The following CCDC60 variants were observed in gnomAD, a reference collection of about 807,000 sequenced individuals.
CCDC60 encodes the protein coiled-coil domain-containing protein 60.
Under a neutral mutation model 63.5 loss-of-function variants are expected in CCDC60, and 54 were observed. The ratio of observed to expected loss-of-function variants is 0.85; its 90% confidence interval spans 0.68 to 1.07. CCDC60 has a LOEUF of 1.07. Among genes scored for constraint, CCDC60 ranks in the 50% least tolerant of loss-of-function variants. The probability of loss-of-function intolerance (pLI) is 0.00; values close to 1 mark genes in which losing one functional copy is unlikely to be tolerated. For missense variants in CCDC60, 651 were observed against 684.3 expected (o/e 0.95, Z 0.54); for synonymous variants, 206 against 238.8 (o/e 0.86, Z 1.27).
At chr12:119,452,887 A>C (rs2136285856) in intron 2 of CCDC60, among the ~76,000 whole-genome samples, 1 of 152,030 alleles carries the variant, frequency 6.6e-6, no homozygotes, top group Non-Finnish European at 1.5e-5. Context: ...CAGTGACGTG[A>C]TCTCGGCTCA....
At chr12:119,473,432 T>C (rs1951107550) in intron 3 of CCDC60, among the ~76,000 whole-genome samples, 1 of 152,242 alleles carries the variant, frequency 6.6e-6, no homozygotes, top group Non-Finnish European at 1.5e-5. Flanking sequence ...GGCTCTCTAA[T>C]ATACATTAGC....
chr12:119,533,496 G>C (rs1224044295), intron 13 of CCDC60, among the ~76,000 whole-genome samples: 2 of 152,164 alleles, frequency 1.3e-5, no homozygotes, highest in African/African-American at 4.8e-5. Context: ...CTTTGCCCAT[G>C]CCTATGTCCT....
Position 119,472,046 on chromosome 12 carries a change from G to C in CCDC60, c.223G>C (p.Glu75Gln), listed in dbSNP as rs1229688529. 3 of 1,613,960 alleles carry C rather than the reference G, an allele frequency of 1.9e-6. No homozygotes were observed. The African/African-American group carries it at 4.0e-5, about 22-fold the overall frequency. The part of the protein sequence containing the change: ...IGRGYFAILR[E>Q]ETAKKKKQQQ... ...CCGTGGATATTTTGCTATTCTGAGG[G>C]AAGAGACTGCAAAGAAAAAGAAGCA... Residue 75 changes from glutamate (E) to glutamine (Q), a missense_variant, in exon 3 of 14, where the codon GAA becomes CAA. Coordinates refer to ENST00000327554, the MANE Select transcript of CCDC60 (RefSeq NM_178499.5).
chr12:119,335,248 C>G lies in CCDC60; in HGVS notation c.72C>G (p.Ala24=). 1 of 1,603,056 alleles carries G rather than the reference C, an allele frequency of 6.2e-7. No homozygotes were observed. The highest frequency in any genetic ancestry group is 1.1e-5 in the South Asian group (1 of 88,824). Reference sequence around the variant, plus strand: ...CGGGGGCTGTCCGGCCCTTTTATGCCTCGGAGAACCTAAGGCAGGTAAGTC... The same window carrying G: ...CGGGGGCTGTCCGGCCCTTTTATGCGTCGGAGAACCTAAGGCAGGTAAGTC... ...PNSGAVRPFY[A]SENLRQVPDK... The change falls in exon 1 of 14, where the codon GCC becomes GCG. Residue 24 remains alanine (A), a synonymous_variant. Transcript: ENST00000327554.
At chr12:119,356,280 T>G (rs1182233415) in intron 1 of CCDC60, among the ~76,000 whole-genome samples, 2 of 152,222 alleles carry the variant, frequency 1.3e-5, no homozygotes, top group Non-Finnish European at 2.9e-5. Context: ...TGAGATGAGG[T>G]GTTCTATGGA....
chr12:119,496,667 T>C lies in CCDC60; in HGVS notation c.558-3411T>C, dbSNP rs571432191. ...TTCTTTTCATCTTCACGGCAATCCT[T>C]TGTCATAGCTGCTATTATTCCCCCA... is the stretch of plus-strand genomic sequence containing the variant. On this transcript the variant is annotated intron_variant, in intron 5 of 13. Transcript: ENST00000327554. Among the ~76,000 whole-genome samples, 31 of 152,324 alleles carry C rather than the reference T, an allele frequency of 2.0e-4. 1 individual carries two copies. The South Asian group carries it at 4.1e-3, about 20-fold the overall frequency.
intron 1 of CCDC60, among the ~76,000 whole-genome samples, chr12:119,354,075 TC>T (rs1955691413): frequency 1.1e-5 from 1 of 94,916 alleles, no homozygotes; most frequent in Admixed American, 1.4e-4. Flanking sequence ...TCTCTCTCTC[TC>T]TCGTCTCTCT....
At chr12:119,413,347 G>A (rs1399436911) in intron 1 of CCDC60, among the ~76,000 whole-genome samples, 1 of 152,168 alleles carries the variant, frequency 6.6e-6, no homozygotes, top group Non-Finnish European at 1.5e-5. Flanking sequence ...TTGATTGAAA[G>A]CTATGGCATC....
intron 1 of CCDC60, among the ~76,000 whole-genome samples, chr12:119,423,580 T>G (rs1956851508): frequency 6.6e-6 from 1 of 152,214 alleles, no homozygotes; most frequent in Non-Finnish European, 1.5e-5. Flanking sequence ...TGGTGGCACC[T>G]CTAGCTAAAA....
intron 2 of CCDC60, among the ~76,000 whole-genome samples, chr12:119,454,386 AG>A (rs2136288845): frequency 6.6e-6 from 1 of 152,232 alleles, no homozygotes; most frequent in South Asian, 2.1e-4. Context: ...ATCACTATAG[AG>A]AGAAACCTCC....
intron 1 of CCDC60, among the ~76,000 whole-genome samples, chr12:119,397,733 C>T (rs1384353696): frequency 2.1e-4 from 20 of 96,062 alleles, no homozygotes; most frequent in African/African-American, 8.7e-4. Context: ...AGCCCTTGGG[C>T]GGTCAATGGG....
At position 119,453,879 on chromosome 12, in the gene CCDC60, C is replaced by T. The variant is rs77221518; in HGVS notation, c.171-18115C>T. 4.8e-3 allele frequency among the ~76,000 whole-genome samples: 723 copies of T among 150,982 alleles called. 7 individuals carry two copies. The highest frequency in any genetic ancestry group is 0.017 in the African/African-American group (683 of 41,060). On this transcript the variant is annotated intron_variant, in intron 2 of 13. Transcript: ENST00000327554. ...AAGGGGAAGAAGGAGGAAGAGAAGTCGATGATAATTTGATGATTGTGATGA... is the reference window on the plus strand; with the variant it reads ...AAGGGGAAGAAGGAGGAAGAGAAGTTGATGATAATTTGATGATTGTGATGA...
At chr12:119,473,430 AAT>A (rs1951107194) in intron 3 of CCDC60, among the ~76,000 whole-genome samples, 1 of 152,198 alleles carries the variant, frequency 6.6e-6, no homozygotes, top group Admixed American at 6.5e-5. Context: ...TAGGCTCTCT[AAT>A]ATACATTAGC....
chr12:119,353,198 TGAAAG>T (rs752786234), intron 1 of CCDC60, among the ~76,000 whole-genome samples: 51 of 152,116 alleles, frequency 3.4e-4, no homozygotes, highest in Admixed American at 3.9e-4. Flanking sequence ...CAAATTGACT[TGAAAG>T]GAAGCCAGAT....
At chr12:119,490,426 T>TTGGGAGCC (rs1433015413) in intron 5 of CCDC60, among the ~76,000 whole-genome samples, 1 of 152,214 alleles carries the variant, frequency 6.6e-6, no homozygotes, top group Non-Finnish European at 1.5e-5. Flanking sequence ...AGCAAGAGGT[T>TTGGGAGCC]TGGGAGCCTG....
Position 119,387,034 on chromosome 12 carries a change from TCACA to T in CCDC60, c.91-41611_91-41608del, listed in dbSNP as rs1555233707. Among the ~76,000 whole-genome samples, 890 of 105,426 alleles carry T rather than the reference TCACA, an allele frequency of 8.4e-3. 11 individuals are homozygous for T. Among genetic ancestry groups the T allele is most frequent in the African/African-American group, 0.02 (493 of 24,422 alleles). The allele number at this position is 105,426 out of a possible 152,430, so 69.2% of individuals were successfully genotyped here. Reference sequence around the variant, plus strand: ...CTCCCTCCCTCCCCCTCTGTCTCTCTCACACACACACACACACACACACACACAC... The same window carrying T: ...CTCCCTCCCTCCCCCTCTGTCTCTCTCACACACACACACACACACACACAC... On this transcript the variant is annotated intron_variant, in intron 1 of 13. Coordinates refer to ENST00000327554, the MANE Select transcript of CCDC60 (RefSeq NM_178499.5).
intron 1 of CCDC60, among the ~76,000 whole-genome samples, chr12:119,376,244 C>T (rs1955949177): frequency 6.6e-6 from 1 of 152,230 alleles, no homozygotes; most frequent in African/African-American, 2.4e-5. Context: ...TTGCCAAAAA[C>T]TGCCTTACAC....
chr12:119,473,565 T>C (rs1322619905), intron 3 of CCDC60, among the ~76,000 whole-genome samples: 1 of 152,198 alleles, frequency 6.6e-6, no homozygotes, highest in African/African-American at 2.4e-5. Context: ...CCAAGCAGTG[T>C]GCACTGTACC....
chr12:119,479,727 A>G (rs1170815442), intron 4 of CCDC60: 7 of 152,006 alleles, frequency 4.6e-5, no homozygotes. Flanking sequence ...TTTCTTTTTC[A>G]CCAGTTAGCA....
Sources: gnomAD v4.1 joint callset for allele counts (sites outside exome capture counted in the v4.1 genomes callset) on GRCh38, gnomAD v4.1.1 for gene constraint, MANE v1.5 for transcripts, NCBI Gene and HGNC (gene_info 2026-07-23, HGNC 2026-07-21) for gene names.